RBFOX1: variants seen among roughly 807,000 people sequenced by gnomAD.
The protein encoded by RBFOX1 is RNA binding protein fox-1 homolog 1.
RBFOX1 carries 8 observed loss-of-function variants against 57.7 expected under a neutral mutation model. The ratio of observed to expected loss-of-function variants is 0.14; its 90% confidence interval spans 0.08 to 0.25. The LOEUF is 0.25. Ranked by LOEUF, RBFOX1 falls within the 10% of genes least tolerant of loss-of-function variation. The pLI, the probability that RBFOX1 is intolerant of heterozygous loss-of-function variation, is 1.00. For synonymous variants in RBFOX1, 326 were observed against 222.4 expected, an observed-to-expected ratio of 1.47 and a Z score of -4.15; for missense variants, 611 against 548.5, an observed-to-expected ratio of 1.11 and a Z score of -1.14.
intron 1 of RBFOX1, among the ~76,000 whole-genome samples, chr16:5,310,228 C>T (rs1397725785): frequency 6.6e-6 from 1 of 152,054 alleles, no homozygotes; most frequent in African/African-American, 2.4e-5. Flanking sequence ...ATGGGGAAAC[C>T]CTGTCTCTAC....
chr16:6,327,154 C>T (rs1027073626), intron 2 of RBFOX1, among the ~76,000 whole-genome samples: 2 of 152,170 alleles, frequency 1.3e-5, no homozygotes, highest in Non-Finnish European at 2.9e-5. Context: ...ATGTATGGTC[C>T]AAAGCTGTGG....
At chr16:5,866,340 T>C (rs1362302725) in intron 3 of RBFOX1, among the ~76,000 whole-genome samples, 2 of 152,190 alleles carry the variant, frequency 1.3e-5, no homozygotes, top group African/African-American at 4.8e-5. Context: ...TAAACTTAAT[T>C]ACTTTCCAAA....
intron 3 of RBFOX1, among the ~76,000 whole-genome samples, chr16:6,901,209 T>C (rs1457908448): frequency 6.6e-6 from 1 of 152,156 alleles, no homozygotes; most frequent in Non-Finnish European, 1.5e-5. Context: ...AGAAGGAAGA[T>C]AAGAAGAAAG....
intron 2 of RBFOX1, among the ~76,000 whole-genome samples, chr16:6,380,141 G>A (rs1279065134): frequency 6.6e-6 from 1 of 152,108 alleles, no homozygotes; most frequent in Non-Finnish European, 1.5e-5. Context: ...GGTTGAAGAT[G>A]GGAGGAAAGT....
intron 3 of RBFOX1, among the ~76,000 whole-genome samples, chr16:6,716,018 CATA>C (rs1194869235): frequency 1.4e-5 from 1 of 74,030 alleles, no homozygotes; most frequent in Non-Finnish European, 3.0e-5. Flanking sequence ...TCACAGCCTA[CATA>C]AAGAAGCCAC....
At chr16:6,049,894 A>G (rs1327723218) in intron 1 of RBFOX1, among the ~76,000 whole-genome samples, 1 of 151,566 alleles carries the variant, frequency 6.6e-6, no homozygotes, top group Non-Finnish European at 1.5e-5. Flanking sequence ...AAGGCAGTAC[A>G]CTGTGATTGA....
At chr16:5,452,361 G>A (rs753212074) in intron 1 of RBFOX1, among the ~76,000 whole-genome samples, 1 of 151,732 alleles carries the variant, frequency 6.6e-6, no homozygotes, top group African/African-American at 2.4e-5. Flanking sequence ...CACCCGCCTC[G>A]ACCTCCCAAA....
intron 7 of RBFOX1, among the ~76,000 whole-genome samples, 168 bp downstream of exon 7, chr16:7,587,468 G>T (rs2094190757): frequency 6.6e-6 from 1 of 152,204 alleles, no homozygotes; most frequent in South Asian, 2.1e-4. Context: ...AAGACATCGG[G>T]TTCAGTTTAA....
intron 3 of RBFOX1, among the ~76,000 whole-genome samples, chr16:6,714,592 A>G (rs2064388674): frequency 1.3e-5 from 2 of 152,122 alleles, no homozygotes; most frequent in South Asian, 4.1e-4. Context: ...CACAGGTAGG[A>G]AATGTGATTT....
intron 2 of RBFOX1, among the ~76,000 whole-genome samples, chr16:6,578,161 A>G (rs1032869694): frequency 5.9e-5 from 9 of 152,252 alleles, no homozygotes; most frequent in Admixed American, 2.0e-4. Context: ...TCTAACTACT[A>G]CTAGACATCA....
chr16:7,073,480 A>T (rs2057738020), intron 4 of RBFOX1, among the ~76,000 whole-genome samples: 1 of 152,018 alleles, frequency 6.6e-6, no homozygotes, highest in Non-Finnish European at 1.5e-5. Flanking sequence ...TATAATTCAG[A>T]CCCCCTACAA....
At chr16:5,979,955 T>C (rs1407897653) in intron 4 of RBFOX1, among the ~76,000 whole-genome samples, 1 of 152,142 alleles carries the variant, frequency 6.6e-6, no homozygotes. Context: ...AGAGCTGGGA[T>C]TTGAACCCAG....
At chr16:6,790,141 A>T (rs2082656370) in intron 3 of RBFOX1, among the ~76,000 whole-genome samples, 1 of 146,554 alleles carries the variant, frequency 6.8e-6, no homozygotes, top group South Asian at 2.1e-4. Flanking sequence ...TTTAAATGTG[A>T]CTCTTAGATT....
chr16:5,901,509 A>G (rs868399046), intron 4 of RBFOX1, among the ~76,000 whole-genome samples: 6 of 152,302 alleles, frequency 3.9e-5, no homozygotes, highest in Admixed American at 1.3e-4. Context: ...TTGCTAGCCA[A>G]TATGGTAGCC....
At position 6,635,647 on chromosome 16, in the gene RBFOX1, C is replaced by T. The variant is rs78970904; in HGVS notation, c.-63-18956C>T. The stretch of plus-strand genomic sequence containing the variant: ...AGTCTAGGAAGGAAGGTGGCATAGG[C>T]ACAGAAGTAATTTCAGTAAATCCAA... On this transcript the variant is annotated intron_variant, in intron 2 of 15. Coordinates refer to ENST00000550418, the MANE Select transcript of RBFOX1 (RefSeq NM_018723.4). Among the ~76,000 whole-genome samples the T allele has an allele frequency of 4.3e-3, 648 of 152,208 alleles. 5 individuals are homozygous for T. Among genetic ancestry groups the T allele is most frequent in the African/African-American group, 0.015 (629 of 41,526 alleles).
Position 6,494,175 on chromosome 16 carries a change from T to A in RBFOX1, c.-63-160428T>A, listed in dbSNP as rs1160027793. On this transcript the variant is annotated intron_variant, in intron 2 of 15. Coordinates refer to ENST00000550418, the MANE Select transcript of RBFOX1 (RefSeq NM_018723.4). Reference sequence around the variant, plus strand: ...TTTACCAAACTGTAGTATCACATCGTATCGAGGATACTGGCATGGCTGCAA... The same window carrying A: ...TTTACCAAACTGTAGTATCACATCGAATCGAGGATACTGGCATGGCTGCAA... Among the ~76,000 whole-genome samples, 3 of 152,344 alleles carry A rather than the reference T, an allele frequency of 2.0e-5. No individual in the cohort carries two copies. The East Asian group carries it at 5.8e-4, about 29-fold the overall frequency.
At position 5,247,581 on chromosome 16, in the gene RBFOX1, C is replaced by T. The variant is rs551289630; in HGVS notation, c.219+7476C>T. Among the ~76,000 whole-genome samples, 87 of 152,320 alleles carry T rather than the reference C, an allele frequency of 5.7e-4. 1 individual carries two copies. The highest frequency in any genetic ancestry group is 1.1e-3 in the Admixed American group (17 of 15,302). ...CAGGCTACAGCCCACAGGCCAGAGA[C>T]AGCCCCCTGCCTGTTCATACAAATA... On this transcript the variant is annotated intron_variant, in intron 1 of 2. Transcript: ENST00000585867.
chr16:6,976,284 G>A (rs2086824535), intron 3 of RBFOX1, among the ~76,000 whole-genome samples: 1 of 152,108 alleles, frequency 6.6e-6, no homozygotes, highest in Non-Finnish European at 1.5e-5. Context: ...CTGAGAACAA[G>A]AATTTGAACA....
At chr16:5,287,216 A>G (rs1379801408) in intron 1 of RBFOX1, among the ~76,000 whole-genome samples, 1 of 152,082 alleles carries the variant, frequency 6.6e-6, no homozygotes, top group African/African-American at 2.4e-5. Flanking sequence ...GAAGGGGAAG[A>G]TCACTTGAGC....
Sources: gnomAD v4.1 joint callset for allele counts (sites outside exome capture counted in the v4.1 genomes callset) on GRCh38, gnomAD v4.1.1 for gene constraint, MANE v1.5 for transcripts, NCBI Gene and HGNC (gene_info 2026-07-23, HGNC 2026-07-21) for gene names.